HECTD4: variants seen among roughly 807,000 people sequenced by gnomAD.
HECTD4 encodes probable E3 ubiquitin-protein ligase HECTD4.
HECTD4 carries 114 observed loss-of-function variants against 471.5 expected under a neutral mutation model. The ratio of observed to expected loss-of-function variants is 0.24; its 90% CI spans 0.21 to 0.28. The LOEUF (loss-of-function observed/expected upper bound fraction) is 0.28, where lower values mean the gene tolerates loss of function less well. Among genes scored for constraint, HECTD4 ranks in the 10% least tolerant of loss-of-function variants. The pLI is 1.00. For missense variants in HECTD4, 3,866 were observed against 5,651.5 expected, an observed-to-expected ratio of 0.68 and a Z score of 10.13; for synonymous variants, 2,012 against 2,256.0, an observed-to-expected ratio of 0.89 and a Z score of 3.07.
At chr12:112,288,338 T>C (rs1341683319) in intron 7 of HECTD4, among the ~76,000 whole-genome samples, 1 of 134,846 alleles carries the variant, frequency 7.4e-6, no homozygotes, top group Non-Finnish European at 1.6e-5. Flanking sequence ...AAAAAAAAGA[T>C]GCAGCAAGGG....
rs2031324951 is a variant in HECTD4, at chr12:112,173,684, G to A, written c.11595-823C>T. ...GCTGCGATTACAGGCGTGAGCCAAT[G>A]CGCCCGGCCAATTTTTAATTTTTTT... On this transcript the variant is annotated intron_variant, in intron 66 of 75. Coordinates refer to ENST00000682272, the MANE Select transcript of HECTD4 (RefSeq NM_001388303.1). This position sits in a 1 kb window ranked among gnomAD's most constrained non-coding sequence, Gnocchi z 4.3. 6.6e-6 allele frequency among the ~76,000 whole-genome samples: 1 copy of A among 151,356 alleles called. No homozygotes were observed. Among genetic ancestry groups the A allele is most frequent in the Non-Finnish European group, 1.5e-5 (1 of 67,874 alleles).
intron 7 of HECTD4, among the ~76,000 whole-genome samples, chr12:112,286,514 AAC>A (rs375938861): frequency 6.6e-6 from 1 of 151,544 alleles, no homozygotes; most frequent in Non-Finnish European, 1.5e-5. Context: ...ACCTGTCTCA[AAC>A]ACACACACAC....
At chr12:112,272,346 AGC>A in intron 11 of HECTD4, among the ~76,000 whole-genome samples, 1 of 152,250 alleles carries the variant, frequency 6.6e-6, no homozygotes, top group East Asian at 1.9e-4. Flanking sequence ...CACAGCGCCT[AGC>A]CTCATTTATT....
chr12:112,162,594 C>T lies in HECTD4; in HGVS notation c.13121-71G>A. On this transcript the variant is annotated intron_variant, in intron 75 of 75. Transcript: ENST00000682272. This position sits in a 1 kb window ranked among gnomAD's most constrained non-coding sequence, Gnocchi z 5.2. ...GAGGCTCCCAGGGAAGCTGGGCTGG[C>T]CTCTGCTTCCAGGTTTGCCTCCTTG... is the stretch of plus-strand genomic sequence containing the variant. 6.3e-7 allele frequency: 1 copy of T among 1,589,666 alleles called. No individual in the cohort carries two copies. The highest frequency in any genetic ancestry group is 8.6e-7 in the Non-Finnish European group (1 of 1,163,704).
chr12:112,167,015 A>C (rs1363515898), intron 72 of HECTD4: 1 of 300,660 alleles, frequency 3.3e-6, no homozygotes, highest in Non-Finnish European at 6.1e-6. Flanking sequence ...CTGTTCTCCC[A>C]GTGCCTGTTC....
In HECTD4 at chr12:112,228,325, GT is replaced by G. The variant is rs1182489642; in HGVS notation, c.6685-68del. The G allele has an allele frequency of 1.9e-5, 26 of 1,384,472 alleles. No individual in the cohort carries two copies. The highest frequency in any genetic ancestry group is 2.5e-5 in the Non-Finnish European group (26 of 1,055,712). The allele number at this position is 1,384,472 out of a possible 1,614,324, so 85.8% of individuals were successfully genotyped here. A position where few individuals can be genotyped will look rare whatever the true frequency, so the allele number is the denominator to read the frequency against. ...TAGTTAGTTTATAAGAAATGAGGGT[GT>G]TATTATTATCTGGAGTTAATTCTTA... is the stretch of plus-strand genomic sequence containing the variant. On this transcript the variant is annotated intron_variant, in intron 42 of 75. Coordinates refer to ENST00000682272, the MANE Select transcript of HECTD4 (RefSeq NM_001388303.1). This position sits in a 1 kb window ranked among gnomAD's most constrained non-coding sequence, Gnocchi z 4.9.
intron 2 of HECTD4, among the ~76,000 whole-genome samples, chr12:112,316,987 C>A (rs562952273): frequency 3.3e-5 from 5 of 152,174 alleles, no homozygotes; most frequent in African/African-American, 9.6e-5. Flanking sequence ...AATTTGGGTA[C>A]ACAATAAAAA....
chr12:112,377,802 G>A (rs2036811408), intron 1 of HECTD4, among the ~76,000 whole-genome samples: 1 of 152,118 alleles, frequency 6.6e-6, no homozygotes, highest in African/African-American at 2.4e-5. Context: ...CCCGTGAGGT[G>A]GAGGTTGCAG....
rs1566070009 is a variant in HECTD4 at position 112,200,748 on chromosome 12, C to G, written c.8457G>C (p.Leu2819=). Residue 2819 remains leucine (L), a synonymous_variant, in exon 55 of 76, where the codon CTG becomes CTC. Coordinates refer to ENST00000682272, the MANE Select transcript of HECTD4 (RefSeq NM_001388303.1). ...TGTCAATAGGATACCAGTATCGCAC[C>G]AGCACACCTTCACTGCGGAGGTACG... The part of the protein sequence containing the change: ...VETYLRSEGV[L]VRYWYPIDML... The G allele has an allele frequency of 2.5e-6, 4 of 1,613,906 alleles. No homozygotes were observed. The highest frequency in any genetic ancestry group is 2.5e-6 in the Non-Finnish European group (3 of 1,179,866).
At chr12:112,260,145 G>A (rs945649184) in intron 18 of HECTD4, among the ~76,000 whole-genome samples, 6 of 151,904 alleles carry the variant, frequency 3.9e-5, no homozygotes, top group African/African-American at 1.2e-4. Flanking sequence ...CCAGCCCCCG[G>A]CAACCACCAT....
Position 112,184,155 on chromosome 12 carries a change from T to C in HECTD4, c.10779+32A>G. The C allele has an allele frequency of 6.5e-7, 1 of 1,540,340 alleles. No individual in the cohort carries two copies. The highest frequency in any genetic ancestry group is 1.2e-5 in the South Asian group (1 of 84,910). The stretch of plus-strand genomic sequence containing the variant: ...CTTGGGGGATTGAAATGGGTCATGA[T>C]TTAGTGGTTGCAGAGGCTTGAAAGC... On this transcript the variant is annotated intron_variant, in intron 61 of 75. Coordinates refer to ENST00000682272, the MANE Select transcript of HECTD4 (RefSeq NM_001388303.1). This position sits in a 1 kb window ranked among gnomAD's most constrained non-coding sequence, Gnocchi z 9.1.
chr12:112,239,795 C>T lies in HECTD4; in HGVS notation c.5105+86G>A. ...GCTCTGGATAATGAAAGCAAAAAATCCAATTTTTAAAATTAAAAATACTTT... is the reference window on the plus strand; with the variant it reads ...GCTCTGGATAATGAAAGCAAAAAATTCAATTTTTAAAATTAAAAATACTTT... On this transcript the variant is annotated intron_variant, in intron 33 of 75. Coordinates refer to ENST00000682272, the MANE Select transcript of HECTD4 (RefSeq NM_001388303.1). The surrounding 1 kb of genome is among the most constrained non-coding windows in gnomAD (Gnocchi z 4.9). The T allele has an allele frequency of 1.5e-6, 2 of 1,343,180 alleles. No individual in the cohort carries two copies. Among genetic ancestry groups the T allele is most frequent in the Non-Finnish European group, 2.0e-6 (2 of 997,478 alleles). The allele number at this position is 1,343,180 out of a possible 1,614,324, so 83.2% of individuals were successfully genotyped here.
chr12:112,254,329 G>T, intron 21 of HECTD4, 167 bp from the exon 22 acceptor site: 1 of 704,168 alleles, frequency 1.4e-6, no homozygotes, highest in Non-Finnish European at 2.3e-6. Context: ...ACTGATACTA[G>T]TTTGGATGCA....
At chr12:112,300,923 C>T (rs1256349008) in intron 7 of HECTD4, among the ~76,000 whole-genome samples, 14 of 150,902 alleles carry the variant, frequency 9.3e-5, no homozygotes, top group Non-Finnish European at 1.5e-4. Context: ...CTCGCTGTGT[C>T]GCCCAGGCTA....
At chr12:112,214,603 C>T (rs541028955) in intron 48 of HECTD4, among the ~76,000 whole-genome samples, 1 of 152,276 alleles carries the variant, frequency 6.6e-6, no homozygotes, top group South Asian at 2.1e-4. Flanking sequence ...AGTCTGTGTG[C>T]CCGTAGTCCA....
intron 1 of HECTD4, among the ~76,000 whole-genome samples, chr12:112,323,757 A>G (rs1186308996): frequency 6.6e-6 from 1 of 151,894 alleles, no homozygotes; most frequent in Non-Finnish European, 1.5e-5. Context: ...TGAATTAATA[A>G]CATGTTAAAA....
intron 52 of HECTD4, among the ~76,000 whole-genome samples, chr12:112,205,784 G>C (rs1462514252): frequency 6.6e-6 from 1 of 151,946 alleles, no homozygotes; most frequent in African/African-American, 2.4e-5. Context: ...GTAGAGATGG[G>C]GGTTCACCAT....
chr12:112,259,393 G>A lies in HECTD4; in HGVS notation c.2874-128C>T, dbSNP rs867373150. On this transcript the variant is annotated intron_variant, in intron 18 of 75. Transcript: ENST00000682272. Reference sequence around the variant, plus strand: ...CTTAAACTACTTAAGCACTTTCAGCGATAGCAATTCAGTCCACAAATTTTC... The same window carrying A: ...CTTAAACTACTTAAGCACTTTCAGCAATAGCAATTCAGTCCACAAATTTTC... The A allele has an allele frequency of 7.6e-5, 68 of 897,826 alleles. 1 individual carries two copies. The Middle Eastern group carries it at 5.8e-3, about 76-fold the overall frequency. The allele number at this position is 897,826 out of a possible 1,614,324, so 55.6% of individuals were successfully genotyped here.
rs764821590 is a variant in HECTD4, at chr12:112,171,173, A to G, written c.11876T>C (p.Leu3959Pro). ...GTGGGTATACATGGGTGTCTGGCGC[A>G]GCTCCACCAGGGGCAGGAAGAAGGT... ...LETFFLPLVELRQTPMYTHSI... is the reference protein window; with the variant it reads ...LETFFLPLVEPRQTPMYTHSI... Residue 3959 changes from leucine to proline, a missense_variant, in exon 68 of 76, where the codon CTG becomes CCG. By Grantham distance (98) the Leu-to-Pro change is moderately conservative (BLOSUM62 -3). Transcript: ENST00000682272. 1 of 1,613,560 alleles carries G rather than the reference A, an allele frequency of 6.2e-7. No individual in the cohort carries two copies. Among genetic ancestry groups the G allele is most frequent in the South Asian group, 1.1e-5 (1 of 90,944 alleles).
Sources: gnomAD v4.1 joint callset for allele counts (sites outside exome capture counted in the v4.1 genomes callset) on GRCh38, gnomAD v4.1.1 for gene constraint, Gnocchi (gnomAD v3.1) non-coding constraint, MANE v1.5 for transcripts, NCBI Gene and HGNC (gene_info 2026-07-23, HGNC 2026-07-21) for gene names.